The following PRPSAP2 variants were observed in gnomAD, a reference collection of about 807,000 sequenced individuals.
PRPSAP2 encodes phosphoribosyl pyrophosphate synthase-associated protein 2.
In PRPSAP2, 24 loss-of-function variants were observed where a neutral mutation model predicts 40.6. The ratio of observed to expected loss-of-function variants is 0.59; its 90% CI spans 0.43 to 0.83. PRPSAP2 has a LOEUF of 0.83. Among genes scored for constraint, PRPSAP2 ranks in the 40% least tolerant of loss-of-function variants. PRPSAP2 has a pLI of 0.00. For missense variants in PRPSAP2, 292 were observed against 465.6 expected (o/e 0.63, Z 3.43); for synonymous variants, 149 against 164.7 (o/e 0.90, Z 0.73).
intron 8 of PRPSAP2, among the ~76,000 whole-genome samples, chr17:18,891,055 T>C (rs1028036683): frequency 1.4e-4 from 22 of 152,308 alleles, no homozygotes; most frequent in Admixed American, 1.0e-3. Flanking sequence ...AAATCACTTG[T>C]AGGAATAAAG....
chr17:18,930,066 A>G (rs1179153883), intron 11 of PRPSAP2, among the ~76,000 whole-genome samples: 1 of 152,062 alleles, frequency 6.6e-6, no homozygotes, highest in Non-Finnish European at 1.5e-5. Context: ...GTGTGAGGTT[A>G]TCAAATCTTA....
chr17:18,895,387 G>C (rs1407865917), intron 8 of PRPSAP2, among the ~76,000 whole-genome samples: 2 of 151,570 alleles, frequency 1.3e-5, no homozygotes, highest in African/African-American at 4.8e-5. Flanking sequence ...CCCATATTTT[G>C]TTATATTTAT....
chr17:18,926,291 A>G (rs2041969565), intron 10 of PRPSAP2, among the ~76,000 whole-genome samples: 1 of 148,716 alleles, frequency 6.7e-6, no homozygotes, highest in Admixed American at 6.7e-5. Flanking sequence ...TTTTGAGACA[A>G]AGTCTCGCTC....
At chr17:18,879,346 G>A (rs1264504455) in intron 6 of PRPSAP2, among the ~76,000 whole-genome samples, 2 of 151,998 alleles carry the variant, frequency 1.3e-5, no homozygotes, top group Non-Finnish European at 2.9e-5. Flanking sequence ...GTGCAATGAC[G>A]TGATCTTGGC....
In PRPSAP2 at chr17:18,918,599, T is replaced by G. The variant is rs564644566; in HGVS notation, c.734-5315T>G. ...CCACAAAGGCTCTCGATCCGGGCCA[T>G]TTAGTGTTCAGCAGGCCAGGCCTGC... On this transcript the variant is annotated intron_variant, in intron 9 of 11. Transcript: ENST00000268835. 5.3e-5 allele frequency among the ~76,000 whole-genome samples: 8 copies of G among 152,268 alleles called. No homozygotes were observed. The East Asian group carries it at 1.2e-3, about 22-fold the overall frequency.
chr17:18,861,673 T>C (rs1309989585), intron 1 of PRPSAP2, among the ~76,000 whole-genome samples: 2 of 152,082 alleles, frequency 1.3e-5, no homozygotes, highest in Non-Finnish European at 2.9e-5. Context: ...AGAGACCACA[T>C]GCAGGGTGTT....
At position 18,928,931 on chromosome 17, in the gene PRPSAP2, C is replaced by T. The variant is rs779029267; in HGVS notation, c.925C>T (p.Arg309Trp). ...CTTGTTGTCTTCTGACGCCCCCCGG[C>T]GGATTGAAGAGTCTGCCATTGATGA... ...HGLLSSDAPR[R>W]IEESAIDEVV... Residue 309 changes from arginine (R) to tryptophan (W), a missense_variant, in exon 11 of 12, where the codon CGG becomes TGG. This residue lies in a region of PRPSAP2 where 241 missense variants were observed against 425.7 expected (regional missense o/e 0.57). Transcript: ENST00000268835. 32 of 1,613,650 alleles carry T rather than the reference C, an allele frequency of 2.0e-5. 1 individual carries two copies. In the South Asian group the frequency reaches 2.1e-4, roughly 11 times the overall value.
intron 7 of PRPSAP2, among the ~76,000 whole-genome samples, chr17:18,886,882 G>C (rs1224829970): frequency 6.7e-6 from 1 of 150,210 alleles, no homozygotes; most frequent in Non-Finnish European, 1.5e-5. Context: ...ATACTCTGAT[G>C]GTCTCTTCCT....
chr17:18,856,882 A>G (rs1440937103), upstream of PRPSAP2, among the ~76,000 whole-genome samples: 1 of 152,224 alleles, frequency 6.6e-6, no homozygotes, highest in Non-Finnish European at 1.5e-5. Context: ...TAATATATGT[A>G]AAGCACTTAA....
At chr17:18,927,832 T>G (rs2042051660) in intron 10 of PRPSAP2, among the ~76,000 whole-genome samples, 1 of 152,096 alleles carries the variant, frequency 6.6e-6, no homozygotes. Flanking sequence ...CAGGTTGGAG[T>G]GCAGTGGCTT....
At chr17:18,915,703 G>C (rs1865594672) in intron 9 of PRPSAP2, among the ~76,000 whole-genome samples, 1 of 152,128 alleles carries the variant, frequency 6.6e-6, no homozygotes, top group Admixed American at 6.5e-5. Flanking sequence ...TAAGTGCCCT[G>C]AGAGCAAGAA....
In PRPSAP2 at chr17:18,874,284, C is replaced by T. The variant is rs149937415; in HGVS notation, c.239+1635C>T. ...AAATGCTTCTGTGTATGAAGTTCTTCGCTCAGAACAATTTTTAATGTCTAG... is the reference window on the plus strand; with the variant it reads ...AAATGCTTCTGTGTATGAAGTTCTTTGCTCAGAACAATTTTTAATGTCTAG... On this transcript the variant is annotated intron_variant, in intron 5 of 11. Coordinates refer to ENST00000268835, the MANE Select transcript of PRPSAP2 (RefSeq NM_002767.4). 8.5e-5 allele frequency among the ~76,000 whole-genome samples: 13 copies of T among 152,244 alleles called. No homozygotes were observed. In the South Asian group the frequency reaches 1.0e-3, roughly 12 times the overall value.
At chr17:18,920,059 A>G (rs1439169215) in intron 9 of PRPSAP2, among the ~76,000 whole-genome samples, 3 of 152,296 alleles carry the variant, frequency 2.0e-5, no homozygotes, top group East Asian at 3.9e-4. Context: ...GCTCCCTTTC[A>G]GAATCCTTGC....
intron 5 of PRPSAP2, among the ~76,000 whole-genome samples, chr17:18,877,093 G>A (rs967083245): frequency 1.3e-5 from 2 of 152,184 alleles, no homozygotes; most frequent in Non-Finnish European, 2.9e-5. Context: ...AACCAAGGGT[G>A]GAAGGAGGAC....
At chr17:18,924,768 C>CA (rs869181375) in intron 10 of PRPSAP2, among the ~76,000 whole-genome samples, 2,413 of 84,614 alleles carry the variant, frequency 0.029, 36 homozygotes, top group South Asian at 0.07. Flanking sequence ...GGCTGTGTCT[C>CA]AAAAAAAAAA....
intron 9 of PRPSAP2, among the ~76,000 whole-genome samples, chr17:18,923,240 C>T (rs2041793184): frequency 1.3e-5 from 2 of 150,520 alleles, no homozygotes; most frequent in South Asian, 4.2e-4. Flanking sequence ...CAGGCGCCCA[C>T]TAGCACACTT....
chr17:18,901,132 G>C (rs967138223), intron 8 of PRPSAP2, among the ~76,000 whole-genome samples: 1 of 152,288 alleles, frequency 6.6e-6, no homozygotes, highest in East Asian at 1.9e-4. Context: ...TGTGTGGCTA[G>C]AGTAAGGCAG....
At chr17:18,875,203 C>T (rs575769776) in intron 5 of PRPSAP2, among the ~76,000 whole-genome samples, 1 of 152,226 alleles carries the variant, frequency 6.6e-6, no homozygotes, top group South Asian at 2.1e-4. Flanking sequence ...AACTCGGGTT[C>T]TCAGTCTTGT....
At chr17:18,856,981 C>A (rs187554145), upstream of PRPSAP2, among the ~76,000 whole-genome samples, 1 of 152,054 alleles carries the variant, frequency 6.6e-6, no homozygotes, top group East Asian at 1.9e-4. Flanking sequence ...GCAATGGATA[C>A]CAAAAGTACT....
Sources: allele counts gnomAD v4.1 joint callset (sites outside exome capture counted in the v4.1 genomes callset), GRCh38; gene constraint gnomAD v4.1.1; regional missense constraint gnomAD v4.1.1; transcripts MANE v1.5; gene names NCBI Gene and HGNC (gene_info 2026-07-23, HGNC 2026-07-21).